Variants in DENND4B observed in about 807,000 individuals in gnomAD.
The protein encoded by DENND4B is DENN domain containing 4B.
DENND4B carries 67 observed loss-of-function variants against 161.0 expected under a neutral mutation model. That is an observed-to-expected ratio of 0.42 (90% confidence interval 0.34 to 0.51). DENND4B has a LOEUF of 0.51. DENND4B is among the 20% of genes least tolerant of loss of function. The pLI is 0.08. For missense variants in DENND4B, 1,481 were observed against 1,968.0 expected, an observed-to-expected ratio of 0.75 and a Z score of 4.68; for synonymous variants, 753 against 813.8, an observed-to-expected ratio of 0.93 and a Z score of 1.27.
chr1:153,939,522 G>A (rs930916467), intron 12 of DENND4B, 67 bp downstream of exon 12: 3 of 1,514,832 alleles, frequency 2.0e-6, no homozygotes, highest in African/African-American at 2.8e-5. Flanking sequence ...CCGCCTTTCT[G>A]ACAGAGCCCA....
Position 153,933,641 on chromosome 1 carries a change from C to T in DENND4B, c.3172G>A (p.Gly1058Ser). Reference protein sequence around the residue: ...DEAGTPRRGLGARLQQLLTPS... With the variant: ...DEAGTPRRGLSARLQQLLTPS... ...GTGAGCAGCTGTTGGAGGCGGGCACCCAGCCCTCGTCGGGGGGTGCCTGCC... is the reference window on the plus strand; with the variant it reads ...GTGAGCAGCTGTTGGAGGCGGGCACTCAGCCCTCGTCGGGGGGTGCCTGCC... The change falls in exon 20 of 28, where the codon GGT (glycine) becomes AGT (serine). Residue 1058 changes from glycine (G) to serine (S), a missense_variant. This residue lies in a region of DENND4B where 339 missense variants were observed against 330.3 expected (regional missense o/e 1.03). Transcript: ENST00000361217. The surrounding 1 kb of genome is among the most constrained non-coding windows in gnomAD (Gnocchi z 5.7). The T allele has an allele frequency of 6.4e-7, 1 of 1,567,746 alleles. No homozygotes were observed. Among genetic ancestry groups the T allele is most frequent in the Non-Finnish European group, 8.6e-7 (1 of 1,158,950 alleles).
At chr1:153,945,377 C>T (rs775946540) in intron 1 of DENND4B, 83 of 332,640 alleles carry the variant, frequency 2.5e-4, no homozygotes, top group Non-Finnish European at 4.6e-4. Flanking sequence ...ATTGAAGGTG[C>T]CAGCACAGCA....
In DENND4B at chr1:153,934,187, G is replaced by A; in HGVS notation, c.2889C>T (p.Ser963=). 1 of 1,604,812 alleles carries A rather than the reference G, an allele frequency of 6.2e-7. No homozygotes were observed. Among genetic ancestry groups the A allele is most frequent in the Non-Finnish European group, 8.5e-7 (1 of 1,176,982 alleles). ...SPPGRLVKSG[S]LGSARGAQPT... ...GCTGTGCCCCTCGGGCACTGCCCAG[G>A]CTACCACTCTTCACCAGGCGTCCAG... The change falls in exon 19 of 28, where the codon AGC becomes AGT. Residue 963 remains serine, a synonymous_variant. Transcript: ENST00000361217. This position sits in a 1 kb window ranked among gnomAD's most constrained non-coding sequence, Gnocchi z 5.3.
chr1:153,939,654 A>G lies in DENND4B; in HGVS notation c.1754T>C (p.Leu585Pro). 1.2e-6 allele frequency: 2 copies of G among 1,613,770 alleles called. No individual in the cohort carries two copies. Among genetic ancestry groups the G allele is most frequent in the Non-Finnish European group, 1.7e-6 (2 of 1,179,770 alleles). The change falls in exon 12 of 28, where the codon CTG becomes CCG. Residue 585 changes from leucine to proline, a missense_variant. Leu to Pro is a moderately conservative substitution (Grantham distance 98). Coordinates refer to ENST00000361217, the MANE Select transcript of DENND4B (RefSeq NM_014856.3). ...ACLLKGYRVF[L>P]RPLTQAPSEG... ...GGAGGGGGCCTGGGTGAGTGGGCGC[A>G]GGAAGACCCGGTAGCCCTTGAGCAG...
Position 153,935,000 on chromosome 1 carries a change from C to T in DENND4B, c.2569-36G>A, listed in dbSNP as rs1453114994. The stretch of plus-strand genomic sequence containing the variant: ...CAGTGCCCATCAGGATGGCCTACCT[C>T]GACACCCTAACCCTGCCTCATACCC... On this transcript the variant is annotated intron_variant, in intron 17 of 27. Transcript: ENST00000361217. This position sits in a 1 kb window ranked among gnomAD's most constrained non-coding sequence, Gnocchi z 5.3. 2.5e-6 allele frequency: 4 copies of T among 1,601,656 alleles called. No individual in the cohort carries two copies. Among genetic ancestry groups the T allele is most frequent in the Non-Finnish European group, 3.4e-6 (4 of 1,177,826 alleles).
rs1371975550 is a variant in DENND4B, at chr1:153,929,859, A to AGG, written c.*437_*438insCC. The AGG allele has an allele frequency of 1.3e-5, 2 of 159,554 alleles. No individual in the cohort carries two copies. The highest frequency in any genetic ancestry group is 1.9e-4 in the South Asian group (1 of 5,224). The allele number at this position is 159,554 out of a possible 1,614,324, so 9.9% of individuals were successfully genotyped here. A position where few individuals can be genotyped will look rare whatever the true frequency, so the allele number is the denominator to read the frequency against. ...GGCATGGAGAGCCTTGGGCTCCTTC[A>AGG]GCAACGTCAGGGAAGAGGGACCATT... On this transcript the variant is annotated 3_prime_UTR_variant, in exon 28 of 28. Coordinates refer to ENST00000361217, the MANE Select transcript of DENND4B (RefSeq NM_014856.3).
chr1:153,935,704 A>G, intron 17 of DENND4B: 1 of 245,876 alleles, frequency 4.1e-6, no homozygotes, highest in South Asian at 4.5e-5. Context: ...ACGAGTTACT[A>G]ACTCTCTACA....
At position 153,946,642 on chromosome 1, in the gene DENND4B, C is replaced by A; in HGVS notation, c.-365G>T. 6 of 384,022 alleles carry A rather than the reference C, an allele frequency of 1.6e-5. No homozygotes were observed. The highest frequency in any genetic ancestry group is 2.8e-5 in the Non-Finnish European group (6 of 216,730). 23.8% of individuals were successfully genotyped at this position (384,022 alleles called of 1,614,324 possible). On this transcript the variant is annotated 5_prime_UTR_variant, in exon 1 of 28. Coordinates refer to ENST00000361217, the MANE Select transcript of DENND4B (RefSeq NM_014856.3). This position sits in a 1 kb window ranked among gnomAD's most constrained non-coding sequence, Gnocchi z 6.3. ...CCCCGCTTTCTCTACTCCCCCAACC[C>A]CCGCTCCGGGCCGCGGGCGCCGCCG...
rs1679361467 is a variant in DENND4B at position 153,936,751 on chromosome 1, A to G, written c.2233-3T>C. The G allele has an allele frequency of 1.3e-6, 2 of 1,576,642 alleles. No individual in the cohort carries two copies. The highest frequency in any genetic ancestry group is 3.5e-5 in the Admixed American group (2 of 56,390). On this transcript the variant is annotated splice_region_variant and splice_polypyrimidine_tract_variant and intron_variant, in intron 15 of 27. Coordinates refer to ENST00000361217, the MANE Select transcript of DENND4B (RefSeq NM_014856.3). This position sits in a 1 kb window ranked among gnomAD's most constrained non-coding sequence, Gnocchi z 4.1. Reference sequence around the variant, plus strand: ...ATCCGCTGTGCAACTTTCATCTCCTAGGTAGGACAGGGGACACATCAGGGT... The same window carrying G: ...ATCCGCTGTGCAACTTTCATCTCCTGGGTAGGACAGGGGACACATCAGGGT...
Position 153,940,999 on chromosome 1 carries a change from T to A in DENND4B, c.1231A>T (p.Ile411Phe). ...LLQSLGPELA[I>F]TLLLAVLTEH... is the part of the protein sequence containing the mutation. Reference sequence around the variant, plus strand: ...GTGAGCACAGCCAGCAGCAGTGTGATAGCCAGCTCAGGGCCCAGGCTCTGC... The same window carrying A: ...GTGAGCACAGCCAGCAGCAGTGTGAAAGCCAGCTCAGGGCCCAGGCTCTGC... The change falls in exon 9 of 28, where the codon ATC becomes TTC. Residue 411 changes from isoleucine (I) to phenylalanine (F), a missense_variant. Around this residue, in one of 3 missense-constraint regions of DENND4B, gnomAD observed 806 missense variants for 1,134.4 expected, o/e 0.71. Coordinates refer to ENST00000361217, the MANE Select transcript of DENND4B (RefSeq NM_014856.3). The surrounding 1 kb of genome is among the most constrained non-coding windows in gnomAD (Gnocchi z 5.6). The A allele has an allele frequency of 6.3e-7, 1 of 1,579,242 alleles. No homozygotes were observed. Among genetic ancestry groups the A allele is most frequent in the Non-Finnish European group, 8.6e-7 (1 of 1,164,542 alleles).
chr1:153,933,506 G>A lies in DENND4B; in HGVS notation c.3307C>T (p.Arg1103Cys), dbSNP rs200244879. ...PMDSLLHPRE[R>C]PGSTASESSA... ...ACCTCGGAGGCAGTGGATCCAGGGC[G>A]CTCCCGGGGGTGCAGAAGACTGTCC... is the stretch of plus-strand genomic sequence containing the variant. The change falls in exon 20 of 28, where the codon CGC (arginine) becomes TGC (cysteine). Residue 1103 changes from arginine (R) to cysteine (C), a missense_variant. Physicochemically the swap from Arg to Cys is radical, Grantham distance 180. This residue lies in a region of DENND4B where 339 missense variants were observed against 330.3 expected (regional missense o/e 1.03). Transcript: ENST00000361217. The surrounding 1 kb of genome is among the most constrained non-coding windows in gnomAD (Gnocchi z 5.7). 6.8e-4 allele frequency: 1,048 copies of A among 1,552,422 alleles called. No individual in the cohort carries two copies. The highest frequency in any genetic ancestry group is 4.4e-4 in the Non-Finnish European group (501 of 1,149,760).
chr1:153,944,259 C>T lies in DENND4B; in HGVS notation c.116G>A (p.Arg39His), dbSNP rs912707136. The change falls in exon 2 of 28, where the codon CGC (arginine) becomes CAC (histidine). Residue 39 changes from arginine (R) to histidine (H), a missense_variant. Physicochemically the swap from Arg to His is conservative, Grantham distance 29. Coordinates refer to ENST00000361217, the MANE Select transcript of DENND4B (RefSeq NM_014856.3). The surrounding 1 kb of genome is among the most constrained non-coding windows in gnomAD (Gnocchi z 4.8). The stretch of plus-strand genomic sequence containing the variant: ...GATGGGCTCAGCTGGCCGGGGAGGG[C>T]GCAGGGGCCCACTGGGTTCAGGAAC... Reference protein sequence around the residue: ...TWVPEPSGPLRPPRPAEPITD... With the variant: ...TWVPEPSGPLHPPRPAEPITD... The T allele has an allele frequency of 1.8e-5, 28 of 1,599,886 alleles. No individual in the cohort carries two copies. Among genetic ancestry groups the T allele is most frequent in the Non-Finnish European group, 2.1e-5 (25 of 1,172,404 alleles).
At chr1:153,938,681 G>A (rs1485320701) in intron 13 of DENND4B, among the ~76,000 whole-genome samples, 7 of 148,352 alleles carry the variant, frequency 4.7e-5, no homozygotes, top group Admixed American at 2.0e-4. Context: ...CAGCCTGGGC[G>A]ACAGAGCAAG....
Position 153,934,375 on chromosome 1 carries a change from T to G in DENND4B, c.2774-73A>C. On this transcript the variant is annotated intron_variant, in intron 18 of 27. Coordinates refer to ENST00000361217, the MANE Select transcript of DENND4B (RefSeq NM_014856.3). This position sits in a 1 kb window ranked among gnomAD's most constrained non-coding sequence, Gnocchi z 5.3. Reference sequence around the variant, plus strand: ...TCCCCTGTTCCAAAATAGAGCTCCTTAGATGGACCAGGGTTTGCAGGGTTC... The same window carrying G: ...TCCCCTGTTCCAAAATAGAGCTCCTGAGATGGACCAGGGTTTGCAGGGTTC... The G allele has an allele frequency of 6.7e-7, 1 of 1,499,712 alleles. No homozygotes were observed. Among genetic ancestry groups the G allele is most frequent in the Non-Finnish European group, 8.9e-7 (1 of 1,123,712 alleles). The allele number at this position is 1,499,712 out of a possible 1,614,324, so 92.9% of individuals were successfully genotyped here.
intron 1 of DENND4B, chr1:153,945,370 G>T: frequency 2.9e-6 from 1 of 343,688 alleles, no homozygotes; most frequent in South Asian, 2.1e-5. Context: ...GGTTACCATT[G>T]AAGGTGCCAG....
At position 153,930,246 on chromosome 1, in the gene DENND4B, C is replaced by A; in HGVS notation, c.*51G>T. On this transcript the variant is annotated 3_prime_UTR_variant, in exon 28 of 28. Coordinates refer to ENST00000361217, the MANE Select transcript of DENND4B (RefSeq NM_014856.3). This position sits in a 1 kb window ranked among gnomAD's most constrained non-coding sequence, Gnocchi z 4.7. ...CAGGGAAGCAGTTTAACTCTAGAAT[C>A]CCTTCTTCCTCACTTCCCCACCCTA... The A allele has an allele frequency of 6.3e-7, 1 of 1,580,668 alleles. No homozygotes were observed. Among genetic ancestry groups the A allele is most frequent in the Non-Finnish European group, 8.6e-7 (1 of 1,159,414 alleles).
chr1:153,941,398 T>G lies in DENND4B; in HGVS notation c.1098A>C (p.Pro366=), dbSNP rs1233399026. The change falls in exon 7 of 28, where the codon CCA becomes CCC. Residue 366 remains proline (P), a synonymous_variant. Transcript: ENST00000361217. ...HFIHNVPFPS[P]QRPRILVQMS... ...CCTGCACTAGGATGCGGGGTCTCTG[T>G]GGGGAAGGGAAGGGAACGTTGTGAA... The G allele has an allele frequency of 1.2e-6, 2 of 1,613,278 alleles. No homozygotes were observed. The highest frequency in any genetic ancestry group is 8.5e-7 in the Non-Finnish European group (1 of 1,179,672).
At chr1:153,945,775 C>T (rs2102082553) in intron 1 of DENND4B, among the ~76,000 whole-genome samples, 1 of 152,356 alleles carries the variant, frequency 6.6e-6, no homozygotes, top group South Asian at 2.1e-4. Flanking sequence ...TTCTGAGGGG[C>T]AAGTGGGTGG....
chr1:153,941,151 T>C, intron 8 of DENND4B, 80 bp downstream of exon 8: 1 of 1,584,560 alleles, frequency 6.3e-7, no homozygotes, highest in Admixed American at 1.8e-5. Context: ...TGCATAAACC[T>C]CAACAGCTGC....
Sources: allele counts gnomAD v4.1 joint callset (sites outside exome capture counted in the v4.1 genomes callset), GRCh38; gene constraint gnomAD v4.1.1; regional missense constraint gnomAD v4.1.1; non-coding constraint Gnocchi (gnomAD v3.1); transcripts MANE v1.5; gene names NCBI Gene and HGNC (gene_info 2026-07-23, HGNC 2026-07-21).